Variants in CNTN5 observed in about 807,000 individuals in gnomAD.
The protein encoded by CNTN5 is contactin-5.
In CNTN5, 77 loss-of-function variants were observed where a neutral mutation model predicts 129.1. The observed-to-expected ratio is 0.60, with a 90% CI of 0.50 to 0.72. The LOEUF (loss-of-function observed/expected upper bound fraction) is 0.72, where lower values mean the gene tolerates loss of function less well. Among genes scored for constraint, CNTN5 ranks in the 30% least tolerant of loss-of-function variants. The pLI is 0.00. For synonymous variants in CNTN5, 509 were observed against 465.6 expected (o/e 1.09, Z -1.20); for missense variants, 1,478 against 1,328.8 (o/e 1.11, Z -1.75).
chr11:99,043,617 G>A (rs2135147652), intron 1 of CNTN5, among the ~76,000 whole-genome samples: 1 of 152,178 alleles, frequency 6.6e-6, no homozygotes, highest in Middle Eastern at 3.4e-3. Context: ...CTTCTGTAGT[G>A]CCATTAACTT....
intron 9 of CNTN5, among the ~76,000 whole-genome samples, chr11:100,051,491 C>T (rs1942954377): frequency 6.6e-6 from 1 of 151,682 alleles, no homozygotes; most frequent in South Asian, 2.1e-4. Flanking sequence ...TAAAGCAATA[C>T]TTAATGGTAA....
chr11:99,206,503 G>A (rs1028973483), intron 1 of CNTN5, among the ~76,000 whole-genome samples: 1 of 152,098 alleles, frequency 6.6e-6, no homozygotes, highest in Non-Finnish European at 1.5e-5. Context: ...TGAAGTGGGA[G>A]ATCGAATTCA....
intron 1 of CNTN5, among the ~76,000 whole-genome samples, chr11:99,140,460 C>CTTTTATTTTA (rs142985840): frequency 0.26 from 38,200 of 149,800 alleles, 5,292 homozygotes; most frequent in East Asian, 0.45. Flanking sequence ...ATTTGGATGC[C>CTTTTATTTTA]TTTTATTTTA....
chr11:100,085,103 G>A (rs971757123), intron 13 of CNTN5, among the ~76,000 whole-genome samples: 1 of 152,058 alleles, frequency 6.6e-6, no homozygotes, highest in South Asian at 2.1e-4. Context: ...TTTGGGGAGA[G>A]AATGAATAGG....
chr11:99,991,901 A>G (rs1939126612), intron 8 of CNTN5, among the ~76,000 whole-genome samples: 1 of 152,210 alleles, frequency 6.6e-6, no homozygotes, highest in Non-Finnish European at 1.5e-5. Flanking sequence ...AGGTTGGGTC[A>G]GGTGTCCATA....
chr11:100,291,515 A>C (rs1402190754), intron 18 of CNTN5, among the ~76,000 whole-genome samples: 3 of 149,102 alleles, frequency 2.0e-5, no homozygotes, highest in Non-Finnish European at 4.5e-5. Flanking sequence ...AGAACAAAAA[A>C]CCAAACACCG....
At chr11:99,452,372 GTTTTTT>G (rs71463577) in intron 2 of CNTN5, among the ~76,000 whole-genome samples, 1 of 104,358 alleles carries the variant, frequency 9.6e-6, no homozygotes, top group African/African-American at 3.6e-5. Context: ...AAACACAGGT[GTTTTTT>G]TTTTTTTTTT....
intron 3 of CNTN5, among the ~76,000 whole-genome samples, chr11:99,779,198 A>G (rs1945228362): frequency 1.3e-5 from 2 of 152,026 alleles, no homozygotes; most frequent in Non-Finnish European, 2.9e-5. Flanking sequence ...CTAAATTTGT[A>G]GAAATTTTTC....
At chr11:99,973,283 A>G (rs902717327) in intron 8 of CNTN5, among the ~76,000 whole-genome samples, 3 of 152,140 alleles carry the variant, frequency 2.0e-5, no homozygotes, top group African/African-American at 7.2e-5. Context: ...TGGTCGCAGT[A>G]TTTCTGCAGT....
chr11:99,962,197 G>A (rs183769148), intron 8 of CNTN5, among the ~76,000 whole-genome samples: 38 of 152,096 alleles, frequency 2.5e-4, no homozygotes, highest in African/African-American at 8.0e-4. Context: ...TAGAGTACAC[G>A]TGCACAACAT....
At chr11:100,104,762 T>C (rs1271568258) in intron 13 of CNTN5, among the ~76,000 whole-genome samples, 1 of 152,180 alleles carries the variant, frequency 6.6e-6, no homozygotes, top group Non-Finnish European at 1.5e-5. Flanking sequence ...CCATTCTTAG[T>C]GCATCTTACC....
intron 15 of CNTN5, among the ~76,000 whole-genome samples, chr11:100,219,376 T>G (rs1227582287): frequency 1.3e-5 from 2 of 152,194 alleles, no homozygotes; most frequent in South Asian, 4.1e-4. Flanking sequence ...GCCATCAGAT[T>G]GAATGGAGCT....
chr11:99,164,053 C>T (rs772115259), intron 1 of CNTN5, among the ~76,000 whole-genome samples: 7 of 152,072 alleles, frequency 4.6e-5, no homozygotes, highest in African/African-American at 7.2e-5. Flanking sequence ...TTGGGCAGGG[C>T]GCAGTGGCTC....
At chr11:100,267,606 A>G (rs926168708) in intron 17 of CNTN5, among the ~76,000 whole-genome samples, 28 of 152,128 alleles carry the variant, frequency 1.8e-4, no homozygotes, top group Non-Finnish European at 4.4e-5. Context: ...AGGAGCAACT[A>G]GAGCAAAAGT....
At chr11:100,179,046 A>G (rs570058196) in intron 13 of CNTN5, among the ~76,000 whole-genome samples, 1 of 152,214 alleles carries the variant, frequency 6.6e-6, no homozygotes, top group South Asian at 2.1e-4. Context: ...CAGGGCAAGC[A>G]CTCATCATTT....
chr11:99,856,717 C>A (rs1948046591), intron 6 of CNTN5, among the ~76,000 whole-genome samples: 1 of 152,208 alleles, frequency 6.6e-6, no homozygotes, highest in East Asian at 1.9e-4. Flanking sequence ...TATTCATATC[C>A]ATAGGGACAG....
At chr11:99,903,151 A>G (rs570502580) in intron 6 of CNTN5, among the ~76,000 whole-genome samples, 1 of 152,186 alleles carries the variant, frequency 6.6e-6, no homozygotes, top group South Asian at 2.1e-4. Context: ...CAGGTACTTG[A>G]TCAGGAGGCC....
intron 3 of CNTN5, among the ~76,000 whole-genome samples, chr11:99,682,909 TA>T (rs543292996): frequency 1.9e-4 from 29 of 152,058 alleles, no homozygotes; most frequent in South Asian, 4.1e-4. Flanking sequence ...ATCTGTGCAC[TA>T]AAAAATACAA....
In CNTN5 at chr11:100,297,605, C is replaced by G. The variant is rs770477047; in HGVS notation, c.2315-20C>G. 1.9e-6 allele frequency: 3 copies of G among 1,593,882 alleles called. No individual in the cohort carries two copies. The East Asian group carries it at 6.8e-5, about 36-fold the overall frequency. ...TTGGGAGTTTTTTTCTCCTCACTCT[C>G]CACCCATTTTTATCCACAGTTCCGA... is the stretch of plus-strand genomic sequence containing the variant. On this transcript the variant is annotated intron_variant, in intron 18 of 24. Transcript: ENST00000524871.
Sources: gnomAD v4.1 joint callset for allele counts (sites outside exome capture counted in the v4.1 genomes callset) on GRCh38, gnomAD v4.1.1 for gene constraint, MANE v1.5 for transcripts, NCBI Gene and HGNC (gene_info 2026-07-23, HGNC 2026-07-21) for gene names.